Variants in ABCA4 observed in about 807,000 individuals in gnomAD.
The protein encoded by ABCA4 is ATP binding cassette subfamily A member 4.
ABCA4 carries 196 observed loss-of-function variants against 263.7 expected under a neutral mutation model. The observed-to-expected ratio is 0.74, with a 90% CI of 0.66 to 0.84. The LOEUF is 0.84. ABCA4 is among the 40% of genes least tolerant of loss of function. The probability of loss-of-function intolerance (pLI) is 0.00; values close to 1 mark genes in which losing one functional copy is unlikely to be tolerated. For missense variants in ABCA4, 2,792 were observed against 2,855.1 expected, an observed-to-expected ratio of 0.98 and a Z score of 0.50; for synonymous variants, 1,133 against 1,094.2, an observed-to-expected ratio of 1.04 and a Z score of -0.70.
intron 14 of ABCA4, 73 bp downstream of exon 14, chr1:94,060,464 G>T: frequency 6.5e-6 from 9 of 1,389,828 alleles, no homozygotes; most frequent in Non-Finnish European, 9.2e-6. Flanking sequence ...ACTAATCCAG[G>T]CACATGAACA....
chr1:94,051,675 A>C lies in ABCA4; in HGVS notation c.2611T>G (p.Trp871Gly), dbSNP rs778392568. The C allele has an allele frequency of 1.2e-6, 2 of 1,614,018 alleles. No individual in the cohort carries two copies. Among genetic ancestry groups the C allele is most frequent in the Admixed American group, 3.3e-5 (2 of 60,024 alleles). Residue 871 changes from tryptophan (W) to glycine (G), a missense_variant, in exon 17 of 50, where the codon TGG becomes GGG. By Grantham distance (184) the Trp-to-Gly change is radical. Transcript: ENST00000370225. ...FPGDYGTPLP[W>G]YFLLQESYWL... ...TACGACTCTTGTAGAAGAAAGTACC[A>C]AGGAAGTGGGGTTCCATAGTCTCCT...
chr1:94,076,922 C>G (rs1014866009), intron 11 of ABCA4, among the ~76,000 whole-genome samples: 2 of 152,310 alleles, frequency 1.3e-5, no homozygotes, highest in East Asian at 1.9e-4. Flanking sequence ...AAGGCAGGCT[C>G]TGAACTCAGG....
chr1:93,993,278 G>C, intron 49 of ABCA4, 36 bp from the exon 50 acceptor site: 3 of 1,613,612 alleles, frequency 1.9e-6, no homozygotes, highest in Non-Finnish European at 2.5e-6. Context: ...GCGTCATCTT[G>C]GTTTTCTGAG....
intron 19 of ABCA4, among the ~76,000 whole-genome samples, chr1:94,046,466 A>AAAAAT (rs1188288246): frequency 9.5e-5 from 14 of 147,912 alleles, no homozygotes; most frequent in Non-Finnish European, 1.5e-5. Context: ...AAAAAAAAAA[A>AAAAAT]AAAAAAAAAA....
At chr1:94,055,448 G>A in intron 15 of ABCA4, 133 bp from the exon 16 acceptor site, 4 of 806,436 alleles carry the variant, frequency 5.0e-6, no homozygotes, top group Non-Finnish European at 8.1e-6. Context: ...GGTCAGCTCA[G>A]GAGGGTGAAG....
intron 6 of ABCA4, among the ~76,000 whole-genome samples, chr1:94,087,601 G>C (rs1462841451): frequency 6.6e-6 from 1 of 152,188 alleles, no homozygotes; most frequent in Non-Finnish European, 1.5e-5. Flanking sequence ...CCAGATGACA[G>C]GCATATGCTG....
chr1:94,020,834 C>T (rs1263174239), intron 35 of ABCA4, among the ~76,000 whole-genome samples: 3 of 152,222 alleles, frequency 2.0e-5, no homozygotes, highest in East Asian at 1.9e-4. Context: ...AAAGCTCTGT[C>T]GACATCTCCA....
intron 47 of ABCA4, among the ~76,000 whole-genome samples, chr1:93,999,403 G>A (rs937659070): frequency 1.3e-5 from 2 of 152,194 alleles, no homozygotes; most frequent in African/African-American, 4.8e-5. Flanking sequence ...AAGACACGTG[G>A]ACCAGTGCAT....
At chr1:94,008,438 G>C (rs1418248570) in intron 41 of ABCA4, 141 bp from the exon 42 acceptor site, 1 of 875,476 alleles carries the variant, frequency 1.1e-6, no homozygotes, top group African/African-American at 1.7e-5. Context: ...AGGCACAGAG[G>C]TGTGGTGAGT....
intron 14 of ABCA4, 130 bp downstream of exon 14, chr1:94,060,407 G>T: frequency 1.2e-6 from 1 of 863,792 alleles, no homozygotes; most frequent in Non-Finnish European, 1.9e-6. Context: ...TTGGCTAAAA[G>T]GAAGGGCTGG....
chr1:94,071,314 A>G (rs1466494372), intron 11 of ABCA4, among the ~76,000 whole-genome samples: 1 of 152,136 alleles, frequency 6.6e-6, no homozygotes, highest in Admixed American at 6.5e-5. Flanking sequence ...TTGGTTTCCT[A>G]CTCTAATCTA....
chr1:94,025,529 C>T (rs1660017482), intron 30 of ABCA4: 2 of 231,194 alleles, frequency 8.7e-6, no homozygotes, highest in South Asian at 1.3e-4. Flanking sequence ...CCCATGTGGC[C>T]GATGTGTGTG....
intron 30 of ABCA4, among the ~76,000 whole-genome samples, chr1:94,028,802 C>T (rs1041810144): frequency 2.8e-5 from 4 of 140,922 alleles, no homozygotes; most frequent in South Asian, 2.4e-4. Flanking sequence ...CCCCACTACT[C>T]GGGGGGGCTG....
Position 94,080,566 on chromosome 1 carries a change from GA to G in ABCA4, c.1010del (p.Phe337SerfsTer37). Reference protein sequence around the residue: ...PEGGGSRVLSFNWYEDNNYKA... With the variant: ...PEGGGSRVLSXNWYEDNNYKA... Reference sequence around the variant, plus strand: ...TATAGTTATTGTCTTCATACCAGTTGAAGGAGAGCACCCGAGAGCCACCTCC... The same window carrying G: ...TATAGTTATTGTCTTCATACCAGTTGAGGAGAGCACCCGAGAGCCACCTCC... On this transcript the variant is annotated frameshift_variant, in exon 8 of 50. Coordinates refer to ENST00000370225, the MANE Select transcript of ABCA4 (RefSeq NM_000350.3). LOFTEE classifies it high-confidence loss of function. 1 of 1,614,130 alleles carries G rather than the reference GA, an allele frequency of 6.2e-7. No individual in the cohort carries two copies. The highest frequency in any genetic ancestry group is 8.5e-7 in the Non-Finnish European group (1 of 1,180,020).
chr1:94,025,351 A>G lies in ABCA4; in HGVS notation c.4540-303T>C, dbSNP rs191922222. Among the ~76,000 whole-genome samples the G allele has an allele frequency of 1.1e-4, 16 of 152,232 alleles. No homozygotes were observed. The East Asian group carries it at 2.7e-3, about 26-fold the overall frequency. On this transcript the variant is annotated intron_variant, in intron 30 of 49. Transcript: ENST00000370225. ...CCCAAGCCACCACCTAGACCACTAG[A>G]GAAACTTCCACATGGGTCTGCCTGA...
intron 6 of ABCA4, among the ~76,000 whole-genome samples, chr1:94,093,967 T>G (rs1662046863): frequency 6.6e-6 from 1 of 152,208 alleles, no homozygotes. Context: ...GATTTAGTTT[T>G]GTTTCCTCCC....
chr1:93,997,950 A>T lies in ABCA4; in HGVS notation c.6640T>A (p.Ser2214Thr). 6.2e-7 allele frequency: 1 copy of T among 1,613,928 alleles called. No individual in the cohort carries two copies. The highest frequency in any genetic ancestry group is 8.5e-7 in the Non-Finnish European group (1 of 1,179,900). ...NMLQFQVSSS[S>T]LARIFQLLLS... is the part of the protein sequence containing the mutation. ...AGGAGCTGGAAGATCCTCGCCAGGG[A>T]GGAGGAGGAGACCTGGAACTGGAGC... The change falls in exon 48 of 50, where the codon TCC (serine) becomes ACC (threonine). Residue 2214 changes from serine (S) to threonine (T), a missense_variant. By Grantham distance (58) the Ser-to-Thr change is moderately conservative (BLOSUM62 1). Coordinates refer to ENST00000370225, the MANE Select transcript of ABCA4 (RefSeq NM_000350.3).
chr1:94,068,745 A>G (rs1661336028), intron 11 of ABCA4, among the ~76,000 whole-genome samples: 1 of 152,192 alleles, frequency 6.6e-6, no homozygotes, highest in East Asian at 1.9e-4. Context: ...AGAACTGGCT[A>G]TTGTAAGGGG....
intron 6 of ABCA4, among the ~76,000 whole-genome samples, chr1:94,092,884 C>T (rs1662005469): frequency 1.3e-5 from 2 of 152,170 alleles, no homozygotes; most frequent in South Asian, 4.1e-4. Context: ...GAGCAAAATG[C>T]TTTTTGTTCA....
Sources: allele counts gnomAD v4.1 joint callset (sites outside exome capture counted in the v4.1 genomes callset), GRCh38; gene constraint gnomAD v4.1.1; transcripts MANE v1.5; gene names NCBI Gene and HGNC (gene_info 2026-07-23, HGNC 2026-07-21).